Variants in NMU observed in about 807,000 individuals in gnomAD.
NMU encodes neuromedin U.
NMU carries 29 observed loss-of-function variants against 35.4 expected under a neutral mutation model. That is an observed-to-expected ratio of 0.82 (90% CI 0.61 to 1.12). The LOEUF is 1.12. Among genes scored for constraint, NMU ranks in the 50% most tolerant of loss-of-function variants. The pLI is 0.00. For missense variants in NMU, 199 were observed against 206.2 expected (o/e 0.97, Z 0.21); for synonymous variants, 78 against 81.3 (o/e 0.96, Z 0.22).
In NMU at chr4:55,619,823, C is replaced by T. The variant is rs1456330286; in HGVS notation, c.172-3438G>A. The stretch of plus-strand genomic sequence containing the variant: ...CAGCACGCAGCTGGAGATCTGAGAA[C>T]TGGCAGACTGCCTCCTCAAGTGGGT... On this transcript the variant is annotated intron_variant, in intron 2 of 9. Coordinates refer to ENST00000264218, the MANE Select transcript of NMU (RefSeq NM_006681.4). Among the ~76,000 whole-genome samples, 68 of 144,860 alleles carry T rather than the reference C, an allele frequency of 4.7e-4. 1 individual carries two copies. The highest frequency in any genetic ancestry group is 1.4e-3 in the African/African-American group (56 of 39,734).
At chr4:55,629,302 T>C (rs1018850770) in intron 2 of NMU, among the ~76,000 whole-genome samples, 37 of 152,104 alleles carry the variant, frequency 2.4e-4, no homozygotes, top group African/African-American at 8.9e-4. Context: ...GGTTTCACTA[T>C]GTTGTCCAGA....
chr4:55,634,196 G>GC (rs60825160), intron 1 of NMU, among the ~76,000 whole-genome samples: 8,145 of 151,958 alleles, frequency 0.054, 277 homozygotes, highest in Non-Finnish European at 0.081. Context: ...TGTATGTCAC[G>GC]CCCCCCTCGG....
chr4:55,599,144 T>C lies in NMU; in HGVS notation c.*2A>G, dbSNP rs749129403. 1.9e-6 allele frequency: 3 copies of C among 1,597,470 alleles called. No homozygotes were observed. Among genetic ancestry groups the C allele is most frequent in the Non-Finnish European group, 2.6e-6 (3 of 1,165,214 alleles). ...TTGTTTATTTATTTCTCACATACCA[T>C]TTTAAATGAACCCTGCTGACCTTCT... On this transcript the variant is annotated splice_region_variant and 3_prime_UTR_variant, in exon 9 of 10. Coordinates refer to ENST00000264218, the MANE Select transcript of NMU (RefSeq NM_006681.4).
At chr4:55,619,926 G>T (rs1734317353) in intron 2 of NMU, among the ~76,000 whole-genome samples, 1 of 138,814 alleles carries the variant, frequency 7.2e-6, no homozygotes, top group African/African-American at 2.6e-5. Context: ...ACAAGGCAGG[G>T]TATTCCAACA....
intron 8 of NMU, among the ~76,000 whole-genome samples, chr4:55,599,719 G>T (rs994612037): frequency 6.6e-6 from 1 of 152,104 alleles, no homozygotes; most frequent in Non-Finnish European, 1.5e-5. Context: ...GATGCTTCAG[G>T]ATTCAGCCCT....
intron 2 of NMU, among the ~76,000 whole-genome samples, chr4:55,629,997 T>C (rs1012780354): frequency 6.6e-6 from 1 of 152,080 alleles, no homozygotes; most frequent in African/African-American, 2.4e-5. Flanking sequence ...ATATTCCCTT[T>C]CAGTTTATAT....
At chr4:55,601,926 G>A (rs935704015) in intron 7 of NMU, among the ~76,000 whole-genome samples, 22 of 152,070 alleles carry the variant, frequency 1.4e-4, no homozygotes, top group African/African-American at 5.1e-4. Flanking sequence ...GAGCCCAGGA[G>A]GTCAAGTCTG....
chr4:55,604,679 A>ATATTTTTTTT (rs1553909885), intron 7 of NMU, among the ~76,000 whole-genome samples: 27 of 47,614 alleles, frequency 5.7e-4, no homozygotes, highest in African/African-American at 3.0e-3. Flanking sequence ...TGCCTGGCTA[A>ATATTTTTTTT]TTTTTTTTTT....
intron 2 of NMU, among the ~76,000 whole-genome samples, chr4:55,617,063 T>C (rs930863441): frequency 6.6e-6 from 1 of 152,236 alleles, no homozygotes; most frequent in Non-Finnish European, 1.5e-5. Context: ...GCGTTGTTTA[T>C]GACATTTATT....
At chr4:55,608,591 A>G (rs931748531) in intron 4 of NMU, among the ~76,000 whole-genome samples, 2 of 152,192 alleles carry the variant, frequency 1.3e-5, no homozygotes, top group Non-Finnish European at 2.9e-5. Flanking sequence ...AAAATTAGGT[A>G]TGGTGCTTAT....
At chr4:55,619,577 G>A (rs1311911378) in intron 2 of NMU, among the ~76,000 whole-genome samples, 2 of 139,374 alleles carry the variant, frequency 1.4e-5, no homozygotes, top group Non-Finnish European at 3.1e-5. Flanking sequence ...AGGCGGCAGC[G>A]AGGCTGGGGG....
chr4:55,627,651 AT>A (rs1734586393), intron 2 of NMU, among the ~76,000 whole-genome samples: 1 of 152,190 alleles, frequency 6.6e-6, no homozygotes, highest in Admixed American at 6.5e-5. Flanking sequence ...GTACTACAAT[AT>A]TTTAAACTGT....
Position 55,599,126 on chromosome 4 carries a change from T to C in NMU, c.*4+16A>G. 1 of 1,552,712 alleles carries C rather than the reference T, an allele frequency of 6.4e-7. No homozygotes were observed. On this transcript the variant is annotated intron_variant, in intron 9 of 9. Coordinates refer to ENST00000264218, the MANE Select transcript of NMU (RefSeq NM_006681.4). The stretch of plus-strand genomic sequence containing the variant: ...ACTATTTTATTTATTTATTTGTTTA[T>C]TTATTTCTCACATACCATTTTAAAT...
At chr4:55,633,356 G>A (rs984876449) in intron 1 of NMU, among the ~76,000 whole-genome samples, 1 of 150,942 alleles carries the variant, frequency 6.6e-6, no homozygotes, top group Admixed American at 6.6e-5. Context: ...AAAAGAAAGC[G>A]ACTAATATCC....
chr4:55,634,344 G>T (rs371975387), intron 1 of NMU, among the ~76,000 whole-genome samples: 8 of 152,092 alleles, frequency 5.3e-5, no homozygotes, highest in African/African-American at 1.9e-4. Flanking sequence ...GACACAAAAG[G>T]GCAATCTAGG....
At chr4:55,625,442 A>G (rs994303643) in intron 2 of NMU, among the ~76,000 whole-genome samples, 2 of 152,152 alleles carry the variant, frequency 1.3e-5, no homozygotes, top group Non-Finnish European at 2.9e-5. Flanking sequence ...TCTAGCATGT[A>G]CCTAGATATT....
intron 3 of NMU, 66 bp downstream of exon 3, chr4:55,616,272 G>A (rs1734105722): frequency 9.1e-7 from 1 of 1,097,180 alleles, no homozygotes; most frequent in Admixed American, 1.7e-5. Context: ...TCCAAAGGCA[G>A]CAATGGAGAG....
intron 1 of NMU, among the ~76,000 whole-genome samples, chr4:55,633,823 G>C (rs367592636): frequency 5.3e-5 from 8 of 152,248 alleles, no homozygotes; most frequent in African/African-American, 1.9e-4. Context: ...GGCAGGAAAA[G>C]ACACTCCTTA....
intron 4 of NMU, 55 bp downstream of exon 4, chr4:55,609,064 TC>T: frequency 2.1e-6 from 3 of 1,445,690 alleles, no homozygotes; most frequent in Non-Finnish European, 2.9e-6. Flanking sequence ...CAGGAGAAAT[TC>T]CAAGAAATTT....
Sources: allele counts gnomAD v4.1 joint callset (sites outside exome capture counted in the v4.1 genomes callset), GRCh38; gene constraint gnomAD v4.1.1; transcripts MANE v1.5; gene names NCBI Gene and HGNC (gene_info 2026-07-23, HGNC 2026-07-21).